CDH10: variants seen among roughly 807,000 people sequenced by gnomAD.
CDH10 encodes the protein cadherin 10, also known as cadherin-10.
CDH10 carries 30 observed loss-of-function variants against 73.1 expected under a neutral mutation model. That is an observed-to-expected ratio of 0.41 (90% CI 0.31 to 0.56). The LOEUF is 0.56. Among genes scored for constraint, CDH10 ranks in the 20% least tolerant of loss-of-function variants. The probability of loss-of-function intolerance (pLI) is 0.27; values close to 1 mark genes in which losing one functional copy is unlikely to be tolerated. For synonymous variants in CDH10, 345 were observed against 348.2 expected, an observed-to-expected ratio of 0.99 and a Z score of 0.10; for missense variants, 815 against 973.7, an observed-to-expected ratio of 0.84 and a Z score of 2.17.
chr5:24,567,520 G>T (rs376571617), intron 2 of CDH10, among the ~76,000 whole-genome samples: 5 of 151,292 alleles, frequency 3.3e-5, no homozygotes, highest in African/African-American at 9.7e-5. Context: ...CAAAAAATAC[G>T]CTGAGAAAAA....
At chr5:24,563,597 CAAAAAAAAA>C (rs70965616) in intron 2 of CDH10, among the ~76,000 whole-genome samples, 4 of 88,722 alleles carry the variant, frequency 4.5e-5, no homozygotes, top group Non-Finnish European at 8.4e-5. Context: ...ACTAAAAATA[CAAAAAAAAA>C]AAAAAAAAAA....
At chr5:24,592,858 C>T (rs1379474147) in intron 2 of CDH10, among the ~76,000 whole-genome samples, 2 of 151,382 alleles carry the variant, frequency 1.3e-5, no homozygotes, top group African/African-American at 4.8e-5. Context: ...GATTAAACAA[C>T]TTTGAAATGT....
At chr5:24,591,713 C>G (rs1340106653) in intron 2 of CDH10, among the ~76,000 whole-genome samples, 4 of 151,914 alleles carry the variant, frequency 2.6e-5, no homozygotes, top group South Asian at 2.1e-4. Flanking sequence ...GCTTAATACT[C>G]TCTTACTACT....
At chr5:24,530,725 G>C (rs1454129342) in intron 5 of CDH10, among the ~76,000 whole-genome samples, 1 of 151,960 alleles carries the variant, frequency 6.6e-6, no homozygotes, top group Non-Finnish European at 1.5e-5. Context: ...AGCCCAAAGA[G>C]TAGAAAATAC....
At chr5:24,504,674 C>G (rs1397259271) in intron 8 of CDH10, among the ~76,000 whole-genome samples, 1 of 151,552 alleles carries the variant, frequency 6.6e-6, no homozygotes, top group South Asian at 2.1e-4. Context: ...TACAGGCGCC[C>G]GCCACCATGC....
intron 2 of CDH10, among the ~76,000 whole-genome samples, chr5:24,539,208 G>A (rs1042517332): frequency 2.6e-5 from 4 of 151,818 alleles, no homozygotes; most frequent in Admixed American, 1.3e-4. Flanking sequence ...ATAGAGTTAC[G>A]TATTTACCTA....
intron 7 of CDH10, among the ~76,000 whole-genome samples, chr5:24,505,781 A>G (rs1742676015): frequency 6.6e-6 from 1 of 152,202 alleles, no homozygotes; most frequent in South Asian, 2.1e-4. Context: ...GTGTATCATT[A>G]TTACACATAT....
At chr5:24,540,182 A>G (rs974465322) in intron 2 of CDH10, among the ~76,000 whole-genome samples, 6 of 151,950 alleles carry the variant, frequency 3.9e-5, no homozygotes, top group African/African-American at 9.7e-5. Flanking sequence ...GGATTTGTTA[A>G]GCTTACAATA....
chr5:24,554,896 T>C (rs2111967354), intron 2 of CDH10, among the ~76,000 whole-genome samples: 1 of 152,196 alleles, frequency 6.6e-6, no homozygotes, highest in African/African-American at 2.4e-5. Flanking sequence ...ATTATGTAAA[T>C]TAATATTTTA....
rs529430770 is a variant in CDH10 at position 24,515,062 on chromosome 5, A to C, written c.815-3548T>G. ...ATTAAGTTAAAGGTTAACACAGAAAAGATAAACTCAAATCCTTGTATTCCT... is the reference window on the plus strand; with the variant it reads ...ATTAAGTTAAAGGTTAACACAGAAACGATAAACTCAAATCCTTGTATTCCT... On this transcript the variant is annotated intron_variant, in intron 5 of 11. Transcript: ENST00000264463. Among the ~76,000 whole-genome samples the C allele has an allele frequency of 3.9e-5, 6 of 152,316 alleles. No individual in the cohort carries two copies. In the South Asian group the frequency reaches 8.3e-4, roughly 21 times the overall value.
Position 24,505,223 on chromosome 5 carries a change from G to T in CDH10, c.1282C>A (p.Leu428Ile), listed in dbSNP as rs903128657. Residue 428 changes from leucine (L) to isoleucine (I), a missense_variant, in exon 8 of 12, where the codon CTT (leucine) becomes ATT (isoleucine). Around this residue, in one of 3 missense-constraint regions of CDH10, gnomAD observed 516 missense variants for 636.6 expected, o/e 0.81. Coordinates refer to ENST00000264463, the MANE Select transcript of CDH10 (RefSeq NM_006727.5). ...IRFSLDRHTD[L>I]DRIFNIHSGN... ...GAATGAATGTTAAAGATTCTGTCAA[G>T]GTCAGTATGGCGATCCAAGGAAAAT... 1.2e-6 allele frequency: 2 copies of T among 1,612,772 alleles called. No homozygotes were observed. The highest frequency in any genetic ancestry group is 1.1e-5 in the South Asian group (1 of 91,050).
At chr5:24,568,277 A>T (rs1346939930) in intron 2 of CDH10, among the ~76,000 whole-genome samples, 1 of 152,194 alleles carries the variant, frequency 6.6e-6, no homozygotes, top group Non-Finnish European at 1.5e-5. Flanking sequence ...CATAAAAAGT[A>T]AAATTATTCA....
At chr5:24,630,639 A>T (rs950943686) in intron 1 of CDH10, among the ~76,000 whole-genome samples, 3 of 151,688 alleles carry the variant, frequency 2.0e-5, no homozygotes, top group Non-Finnish European at 4.4e-5. Context: ...CCAGAACCCG[A>T]GGGCAGACTG....
intron 1 of CDH10, among the ~76,000 whole-genome samples, chr5:24,606,399 TCAG>T (rs1232452293): frequency 1.3e-5 from 2 of 151,980 alleles, no homozygotes; most frequent in African/African-American, 4.8e-5. Context: ...TCACTTGAGG[TCAG>T]GAGTTCGAGA....
In CDH10 at chr5:24,513,616, T is replaced by C. The variant is rs181722992; in HGVS notation, c.815-2102A>G. On this transcript the variant is annotated intron_variant, in intron 5 of 11. Transcript: ENST00000264463. ...ACTACAGGCATATACATACGCTACATGTTGGAAGTCATTTCCTAAGAGGCA... is the reference window on the plus strand; with the variant it reads ...ACTACAGGCATATACATACGCTACACGTTGGAAGTCATTTCCTAAGAGGCA... 7.2e-3 allele frequency among the ~76,000 whole-genome samples: 1,101 copies of C among 152,306 alleles called. 13 individuals carry two copies. Among genetic ancestry groups the C allele is most frequent in the African/African-American group, 0.026 (1,061 of 41,560 alleles).
At chr5:24,586,843 C>CTTGTTTTTTTTTTTTTTTT (rs1746024525) in intron 2 of CDH10, among the ~76,000 whole-genome samples, 1 of 102,784 alleles carries the variant, frequency 9.7e-6, no homozygotes, top group African/African-American at 4.2e-5. Flanking sequence ...AGCCCATATT[C>CTTGTTTTTTTTTTTTTTTT]TTTTTTTTTT....
intron 1 of CDH10, among the ~76,000 whole-genome samples, chr5:24,632,721 T>G (rs1747746262): frequency 6.6e-6 from 1 of 151,958 alleles, no homozygotes; most frequent in African/African-American, 2.4e-5. Flanking sequence ...TTGTATGCAA[T>G]TTTATAAATT....
chr5:24,622,676 C>T (rs1266251346), intron 1 of CDH10, among the ~76,000 whole-genome samples: 1 of 152,090 alleles, frequency 6.6e-6, no homozygotes, highest in Non-Finnish European at 1.5e-5. Context: ...AATCCTAGGA[C>T]AGATGCGGTA....
At chr5:24,529,690 A>G (rs750092400) in intron 5 of CDH10, among the ~76,000 whole-genome samples, 20 of 151,998 alleles carry the variant, frequency 1.3e-4, no homozygotes, top group South Asian at 4.1e-4. Context: ...CCCTGCATAC[A>G]TATGAGAGAG....
Sources: allele counts gnomAD v4.1 joint callset (sites outside exome capture counted in the v4.1 genomes callset), GRCh38; gene constraint gnomAD v4.1.1; regional missense constraint gnomAD v4.1.1; transcripts MANE v1.5; gene names NCBI Gene and HGNC (gene_info 2026-07-23, HGNC 2026-07-21).